ERAP1: variants seen among roughly 807,000 people sequenced by gnomAD.
ERAP1 encodes adipocyte-derived leucine aminopeptidase.
ERAP1 carries 86 observed loss-of-function variants against 103.7 expected under a neutral mutation model. The ratio of observed to expected loss-of-function variants is 0.83; its 90% CI spans 0.70 to 0.99. The LOEUF (loss-of-function observed/expected upper bound fraction) is 0.99, where lower values mean the gene tolerates loss of function less well. Ranked by LOEUF, ERAP1 falls within the 50% of genes least tolerant of loss-of-function variation. The probability of loss-of-function intolerance (pLI) is 0.00; values close to 1 mark genes in which losing one functional copy is unlikely to be tolerated. For synonymous variants in ERAP1, 398 were observed against 402.4 expected (o/e 0.99, Z 0.13); for missense variants, 1,009 against 1,128.4 (o/e 0.89, Z 1.52).
the ERAP1 span, chr5:96,918,885 C>T: frequency 6.6e-6 from 1 of 152,144 alleles, no homozygotes; most frequent in Non-Finnish European, 1.5e-5. Flanking sequence ...AAGGAAACCC[C>T]CCACCTCCTT....
At chr5:96,906,450 C>T in the ERAP1 span, among the ~76,000 whole-genome samples, 1 of 152,028 alleles carries the variant, frequency 6.6e-6, no homozygotes, top group Non-Finnish European at 1.5e-5. Flanking sequence ...AATTTTTTGG[C>T]AGAGATGGCG....
At chr5:96,891,517 GC>G in the ERAP1 span, among the ~76,000 whole-genome samples, 3 of 136,856 alleles carry the variant, frequency 2.2e-5, no homozygotes, top group Non-Finnish European at 3.1e-5. Context: ...ATATATATAT[GC>G]CCATATACGG....
intron 15 of ERAP1, among the ~76,000 whole-genome samples, chr5:96,782,066 C>G (rs112684517): frequency 0.092 from 13,795 of 149,682 alleles, 842 homozygotes; most frequent in Middle Eastern, 0.16. Flanking sequence ...GCTGGAGTGC[C>G]GTGGCTCGAT....
chr5:96,886,354 A>G, the ERAP1 span, among the ~76,000 whole-genome samples: 9 of 152,374 alleles, frequency 5.9e-5, no homozygotes, highest in East Asian at 1.7e-3. Context: ...AAATTATTGC[A>G]TTTTAAGAAA....
At position 96,775,316 on chromosome 5, in the gene ERAP1, A is replaced by AAAT; in HGVS notation, c.*1077_*1079dup. 3.0e-6 allele frequency: 3 copies of AAAT among 985,558 alleles called. No individual in the cohort carries two copies. Among genetic ancestry groups the AAAT allele is most frequent in the Non-Finnish European group, 3.6e-6 (3 of 829,914 alleles). The allele number at this position is 985,558 out of a possible 1,614,324, so 61.1% of individuals were successfully genotyped here. On this transcript the variant is annotated 3_prime_UTR_variant, in exon 19 of 19. Transcript: ENST00000443439. ...GAATGTCCTATTTGCTAATATGAGC[A>AAAT]AATATTTTGTTTCACAATGTACTAT...
chr5:96,762,259 T>C (rs1403129625), exon 20 of ERAP1: 2 of 1,582,730 alleles, frequency 1.3e-6, no homozygotes, highest in Admixed American at 1.8e-5. Context: ...CTAATAAAAT[T>C]TTTTTCAATA....
At chr5:96,856,686 C>T in the ERAP1 span, among the ~76,000 whole-genome samples, 1 of 152,128 alleles carries the variant, frequency 6.6e-6, no homozygotes, top group Non-Finnish European at 1.5e-5. Flanking sequence ...GCCATAGATC[C>T]CTGACTGGCC....
At chr5:96,898,949 C>T in the ERAP1 span, among the ~76,000 whole-genome samples, 2 of 152,256 alleles carry the variant, frequency 1.3e-5, no homozygotes, top group East Asian at 1.9e-4. Context: ...TATTTGTAGA[C>T]ATCAGTTTAG....
chr5:96,917,441 T>A, the ERAP1 span: 1 of 1,604,418 alleles, frequency 6.2e-7, no homozygotes, highest in Non-Finnish European at 8.5e-7. Context: ...GTTAGTAATT[T>A]TTTTCTTCAA....
chr5:96,839,330 T>C, the ERAP1 span, among the ~76,000 whole-genome samples: 2 of 152,106 alleles, frequency 1.3e-5, no homozygotes, highest in East Asian at 3.9e-4. Context: ...GAGATCTGGC[T>C]GATAGCATGT....
chr5:96,783,148 G>C lies in ERAP1; in HGVS notation c.2188C>G (p.Gln730Glu), dbSNP rs27044. 1,153,511 of 1,613,816 alleles carry C rather than the reference G, an allele frequency of 0.71. 413,964 individuals carry two copies. The highest frequency in any genetic ancestry group is 0.73 in the Non-Finnish European group (856,143 of 1,179,884). The stretch of plus-strand genomic sequence containing the variant: ...TGCACACAGGCGAGGAGTAGTAGTT[G>C]ACTCCGCAGCATTCGCTCTGAGACT... The part of the protein sequence containing the change: ...GSVSERMLRS[Q>E]LLLLACVHNY... Residue 730 changes from glutamine to glutamate, a missense_variant, in exon 15 of 19, where the codon CAA (glutamine) becomes GAA (glutamate). Physicochemically the swap from Gln to Glu is conservative, Grantham distance 29. Coordinates refer to ENST00000443439, the MANE Select transcript of ERAP1 (RefSeq NM_001040458.3).
At chr5:96,821,042 G>A in the ERAP1 span, among the ~76,000 whole-genome samples, 3 of 152,212 alleles carry the variant, frequency 2.0e-5, no homozygotes, top group African/African-American at 4.8e-5. Flanking sequence ...GGACTGACAA[G>A]TCCAAAATTT....
chr5:96,803,747 T>C lies in ERAP1; in HGVS notation c.180A>G (p.Pro60=), dbSNP rs116041014. 129 of 1,614,154 alleles carry C rather than the reference T, an allele frequency of 8.0e-5. No individual in the cohort carries two copies. In the African/African-American group the frequency reaches 1.7e-3, roughly 21 times the overall value. ...NKIRLPEYVI[P]VHYDLLIHAN... is the part of the protein sequence containing the mutation. ...CATGGATCAAGAGATCATAATGAAC[T>C]GGGATGACGTACTCAGGAAGTCGTA... Residue 60 remains proline (P), a synonymous_variant, in exon 2 of 19, where the codon CCA becomes CCG. Transcript: ENST00000443439.
intron 17 of ERAP1, among the ~76,000 whole-genome samples, chr5:96,780,756 G>A (rs938903887): frequency 1.3e-5 from 2 of 152,196 alleles, no homozygotes; most frequent in African/African-American, 4.8e-5. Flanking sequence ...AAAGACAGAT[G>A]TGAACAAGCA....
the ERAP1 span, among the ~76,000 whole-genome samples, chr5:96,913,092 G>A: frequency 2.0e-5 from 3 of 152,246 alleles, no homozygotes; most frequent in East Asian, 1.9e-4. Context: ...ATGTGTAAAT[G>A]ATGCTAATCA....
the ERAP1 span, chr5:96,918,584 C>CA: frequency 6.6e-6 from 1 of 151,782 alleles, no homozygotes; most frequent in Non-Finnish European, 1.5e-5. Context: ...AATCTGCCCT[C>CA]ACAGAGATAC....
At chr5:96,818,896 T>TTATGTATG in the ERAP1 span, among the ~76,000 whole-genome samples, 68 of 123,814 alleles carry the variant, frequency 5.5e-4, no homozygotes, top group Admixed American at 2.1e-3. Flanking sequence ...TGAACTGCAT[T>TTATGTATG]TATTTATTTA....
At chr5:96,785,588 T>C (rs1775887614) in intron 13 of ERAP1, 200 bp downstream of exon 13, 4 of 606,674 alleles carry the variant, frequency 6.6e-6, no homozygotes, top group Non-Finnish European at 1.2e-5. Context: ...TACAGATTCC[T>C]TCCTTCAAGT....
chr5:96,790,741 G>A (rs557376859), intron 8 of ERAP1, 98 bp from the exon 9 acceptor site: 67 of 1,116,792 alleles, frequency 6.0e-5, no homozygotes, highest in East Asian at 2.4e-4. Flanking sequence ...CTTTGAAAAC[G>A]CAACTGCAGG....
Sources: gnomAD v4.1 joint callset for allele counts (sites outside exome capture counted in the v4.1 genomes callset) on GRCh38, gnomAD v4.1.1 for gene constraint, MANE v1.5 for transcripts, NCBI Gene and HGNC (gene_info 2026-07-23, HGNC 2026-07-21) for gene names.